Variants in SUPT3H observed in about 807,000 individuals in gnomAD.
SUPT3H encodes the protein transcription initiation protein SPT3 homolog.
SUPT3H carries 44 observed loss-of-function variants against 44.3 expected under a neutral mutation model. The ratio of observed to expected loss-of-function variants is 0.99; its 90% CI spans 0.78 to 1.28. The LOEUF is 1.28. Ranked by LOEUF, SUPT3H falls within the 50% of genes most tolerant of loss-of-function variation. SUPT3H has a pLI of 0.00. For synonymous variants in SUPT3H, 124 were observed against 125.6 expected (o/e 0.99, Z 0.09); for missense variants, 380 against 387.1 (o/e 0.98, Z 0.15).
intron 2 of SUPT3H, among the ~76,000 whole-genome samples, chr6:45,357,767 T>C (rs1194575584): frequency 6.6e-6 from 1 of 152,180 alleles, no homozygotes; most frequent in African/African-American, 2.4e-5. Flanking sequence ...TTTGTAAATC[T>C]AGCTACATAA....
At chr6:45,281,668 G>C (rs1778110479) in intron 2 of SUPT3H, among the ~76,000 whole-genome samples, 1 of 152,196 alleles carries the variant, frequency 6.6e-6, no homozygotes, top group African/African-American at 2.4e-5. Flanking sequence ...TCTGGGGGCA[G>C]GGCATAGCCA....
At chr6:45,089,913 A>G (rs115725070) in intron 3 of SUPT3H, among the ~76,000 whole-genome samples, 181 of 152,206 alleles carry the variant, frequency 1.2e-3, no homozygotes, top group African/African-American at 4.1e-3. Context: ...CTACAGAATT[A>G]CATACAAATT....
intron 2 of SUPT3H, among the ~76,000 whole-genome samples, chr6:45,235,118 T>C (rs1298329520): frequency 1.3e-5 from 2 of 152,182 alleles, no homozygotes; most frequent in African/African-American, 4.8e-5. Context: ...AAGTGACAAA[T>C]GCTTTATCTA....
At chr6:44,887,816 T>C (rs569962028) in intron 10 of SUPT3H, among the ~76,000 whole-genome samples, 160 of 151,078 alleles carry the variant, frequency 1.1e-3, no homozygotes, top group East Asian at 5.8e-3. Flanking sequence ...TTCAAAAAAT[T>C]AATGAATCCA....
At chr6:45,016,630 G>A (rs1253715709) in intron 4 of SUPT3H, among the ~76,000 whole-genome samples, 1 of 151,390 alleles carries the variant, frequency 6.6e-6, no homozygotes, top group Non-Finnish European at 1.5e-5. Context: ...TACTGAGAAT[G>A]ATGATTTCCA....
At position 45,214,015 on chromosome 6, in the gene SUPT3H, C is replaced by CAAAAA. The variant is rs11418358; in HGVS notation, c.102-108014_102-108010dup. Among the ~76,000 whole-genome samples, 179 of 74,042 alleles carry CAAAAA rather than the reference C, an allele frequency of 2.4e-3. 3 individuals carry two copies. Among genetic ancestry groups the CAAAAA allele is most frequent in the Middle Eastern group, 0.019 (1 of 52 alleles). 48.6% of individuals were successfully genotyped at this position (74,042 alleles called of 152,430 possible). The stretch of plus-strand genomic sequence containing the variant: ...GAAAGCCTTTTGAGATTTTGAAATG[C>CAAAAA]AAAAAAAAAAAAAAAAAAAACAAGT... On this transcript the variant is annotated intron_variant, in intron 2 of 10. Transcript: ENST00000371459.
At chr6:44,932,519 C>T in intron 10 of SUPT3H, 134 bp downstream of exon 10, 4 of 552,186 alleles carry the variant, frequency 7.2e-6, no homozygotes, top group East Asian at 3.4e-5. Context: ...GAGAATTATG[C>T]CACTTTTATA....
intron 10 of SUPT3H, among the ~76,000 whole-genome samples, chr6:44,918,131 T>A (rs1370936885): frequency 6.6e-6 from 1 of 152,108 alleles, no homozygotes; most frequent in Non-Finnish European, 1.5e-5. Flanking sequence ...TCTTTAGAAA[T>A]ATGAATCCCC....
At chr6:45,079,668 C>T (rs959388593) in intron 3 of SUPT3H, among the ~76,000 whole-genome samples, 4 of 152,032 alleles carry the variant, frequency 2.6e-5, no homozygotes, top group South Asian at 2.1e-4. Flanking sequence ...AACTCACTTT[C>T]GAGAAAGATG....
chr6:45,303,930 T>C (rs1326503264), intron 2 of SUPT3H, among the ~76,000 whole-genome samples: 1 of 150,984 alleles, frequency 6.6e-6, no homozygotes, highest in Non-Finnish European at 1.5e-5. Flanking sequence ...GAGGGGGAGG[T>C]TGCACCACTG....
At chr6:45,207,151 G>A (rs1283478842) in intron 2 of SUPT3H, among the ~76,000 whole-genome samples, 1 of 152,126 alleles carries the variant, frequency 6.6e-6, no homozygotes. Flanking sequence ...GAGTAGAAAC[G>A]ACTTAGTGAA....
chr6:44,818,503 C>T (rs1230559994), intron 11 of SUPT3H, among the ~76,000 whole-genome samples: 2 of 152,040 alleles, frequency 1.3e-5, no homozygotes, highest in Non-Finnish European at 2.9e-5. Context: ...ATCAGCTTTT[C>T]CAAGGGCACT....
intron 1 of SUPT3H, among the ~76,000 whole-genome samples, chr6:45,372,282 C>G (rs115707308): frequency 1.3e-5 from 2 of 152,134 alleles, no homozygotes; most frequent in South Asian, 2.1e-4. Flanking sequence ...AAATAACATA[C>G]GTAAAGCCCT....
intron 9 of SUPT3H, among the ~76,000 whole-genome samples, chr6:44,950,810 T>TTC (rs1774173087): frequency 1.3e-5 from 2 of 150,766 alleles, no homozygotes; most frequent in South Asian, 4.1e-4. Context: ...TTTTTTTTTT[T>TTC]TCCTCTTGTT....
At chr6:45,041,016 G>A (rs1054101566) in intron 3 of SUPT3H, among the ~76,000 whole-genome samples, 1 of 152,120 alleles carries the variant, frequency 6.6e-6, no homozygotes, top group Non-Finnish European at 1.5e-5. Flanking sequence ...AGACTAAAGT[G>A]AGCTTTAGTT....
At chr6:45,101,483 C>A (rs1053280535) in intron 3 of SUPT3H, among the ~76,000 whole-genome samples, 1 of 151,938 alleles carries the variant, frequency 6.6e-6, no homozygotes, top group Non-Finnish European at 1.5e-5. Context: ...ATAGTAGTTA[C>A]TAGAGGTGAG....
intron 10 of SUPT3H, among the ~76,000 whole-genome samples, chr6:44,885,069 A>G (rs591129): frequency 0.39 from 59,780 of 151,976 alleles, 12,760 homozygotes; most frequent in Non-Finnish European, 0.48. Flanking sequence ...GGGAAGGGGC[A>G]CCCGCCATTG....
At chr6:45,220,899 T>C (rs1432393535) in intron 2 of SUPT3H, among the ~76,000 whole-genome samples, 3 of 152,216 alleles carry the variant, frequency 2.0e-5, no homozygotes, top group African/African-American at 7.2e-5. Context: ...TTATAAATCA[T>C]GCTACTATAA....
chr6:44,931,235 C>A (rs905578863), intron 10 of SUPT3H, among the ~76,000 whole-genome samples: 1 of 152,000 alleles, frequency 6.6e-6, no homozygotes, highest in African/African-American at 2.4e-5. Flanking sequence ...ATCATGTTTC[C>A]CTTTGCTATC....
Sources: allele counts gnomAD v4.1 joint callset (sites outside exome capture counted in the v4.1 genomes callset), GRCh38; gene constraint gnomAD v4.1.1; transcripts MANE v1.5; gene names NCBI Gene and HGNC (gene_info 2026-07-23, HGNC 2026-07-21).